ZNF675: variants seen among roughly 807,000 people sequenced by gnomAD.
The protein encoded by ZNF675 is zinc finger protein 675.
A neutral mutation model predicts 56.1 loss-of-function variants in ZNF675; 36 were observed. That is an observed-to-expected ratio of 0.64 (90% CI 0.49 to 0.85). The LOEUF (loss-of-function observed/expected upper bound fraction) is 0.85, where lower values mean the gene tolerates loss of function less well. ZNF675 is among the 40% of genes least tolerant of loss of function. ZNF675 has a pLI of 0.00. For synonymous variants in ZNF675, 200 were observed against 218.9 expected, an observed-to-expected ratio of 0.91 and a Z score of 0.76; for missense variants, 663 against 654.2, an observed-to-expected ratio of 1.01 and a Z score of -0.15.
At chr19:23,664,169 G>A (rs1273619168) in intron 1 of ZNF675, among the ~76,000 whole-genome samples, 1 of 152,108 alleles carries the variant, frequency 6.6e-6, no homozygotes, top group Non-Finnish European at 1.5e-5. Context: ...AGGCAGAGCG[G>A]ACACAGCTCT....
In ZNF675 at chr19:23,679,153, C is replaced by T. The variant is rs564237214; in HGVS notation, c.3+7878G>A. Among the ~76,000 whole-genome samples, 80 of 101,366 alleles carry T rather than the reference C, an allele frequency of 7.9e-4. 1 individual carries two copies. Among genetic ancestry groups the T allele is most frequent in the Non-Finnish European group, 1.2e-3 (67 of 56,862 alleles). The allele number at this position is 101,366 out of a possible 152,430, so 66.5% of individuals were successfully genotyped here. On this transcript the variant is annotated intron_variant, in intron 1 of 3. Coordinates refer to ENST00000359788, the MANE Select transcript of ZNF675 (RefSeq NM_138330.3). Reference sequence around the variant, plus strand: ...CTGCACTCCAGCCTGGGCGACAGAGCGAGACTCCGTCTCAAAAAAAAAAAA... The same window carrying T: ...CTGCACTCCAGCCTGGGCGACAGAGTGAGACTCCGTCTCAAAAAAAAAAAA...
intron 1 of ZNF675, among the ~76,000 whole-genome samples, chr19:23,672,700 T>C (rs1968242325): frequency 6.6e-6 from 1 of 152,248 alleles, no homozygotes; most frequent in Non-Finnish European, 1.5e-5. Context: ...TAGCTCATTC[T>C]AAATGATATT....
At position 23,687,108 on chromosome 19, in the gene ZNF675, C is replaced by T. The variant is rs988908333; in HGVS notation, c.-75G>A. The T allele has an allele frequency of 1.3e-6, 2 of 1,569,220 alleles. No individual in the cohort carries two copies. Among genetic ancestry groups the T allele is most frequent in the East Asian group, 4.5e-5 (2 of 44,572 alleles). ...TCTGCAGGTCACAGGCCCACAGAGG[C>T]TGGACCTCTAGGAGCAGAGGACACA... On this transcript the variant is annotated 5_prime_UTR_variant, in exon 1 of 4. Transcript: ENST00000359788.
At chr19:23,672,483 T>C (rs1968239645) in intron 1 of ZNF675, among the ~76,000 whole-genome samples, 1 of 152,186 alleles carries the variant, frequency 6.6e-6, no homozygotes, top group African/African-American at 2.4e-5. Context: ...TTTTAATATT[T>C]CCATGTTGAC....
intron 1 of ZNF675, 120 bp downstream of exon 1, chr19:23,686,911 G>T: frequency 1.6e-6 from 2 of 1,256,000 alleles, no homozygotes; most frequent in Non-Finnish European, 2.3e-6. Flanking sequence ...TGGGGAAGGA[G>T]AACTCGGGGT....
At chr19:23,681,378 G>A (rs1468728837) in intron 1 of ZNF675, among the ~76,000 whole-genome samples, 2 of 151,572 alleles carry the variant, frequency 1.3e-5, no homozygotes, top group Non-Finnish European at 2.9e-5. Flanking sequence ...GTAGCTGTGG[G>A]AAAGTGGGGT....
chr19:23,685,298 G>C (rs1243132006), intron 1 of ZNF675, among the ~76,000 whole-genome samples: 1 of 152,102 alleles, frequency 6.6e-6, no homozygotes, highest in Admixed American at 6.6e-5. Context: ...GCAGGGGAGA[G>C]TCCTATCAGT....
intron 1 of ZNF675, among the ~76,000 whole-genome samples, chr19:23,666,324 A>G (rs1389959460): frequency 6.6e-6 from 1 of 152,200 alleles, no homozygotes; most frequent in African/African-American, 2.4e-5. Flanking sequence ...TTTGCAATCA[A>G]TTGGATATTT....
intron 1 of ZNF675, among the ~76,000 whole-genome samples, chr19:23,671,141 T>C (rs1258709233): frequency 6.6e-6 from 1 of 152,170 alleles, no homozygotes; most frequent in Non-Finnish European, 1.5e-5. Context: ...TAAAAAAATA[T>C]ACTAATCTAG....
At chr19:23,680,634 A>G (rs905914154) in intron 1 of ZNF675, among the ~76,000 whole-genome samples, 6 of 151,248 alleles carry the variant, frequency 4.0e-5, no homozygotes, top group Non-Finnish European at 7.4e-5. Context: ...GGCGCCTGTA[A>G]CCCTAGCTAC....
At chr19:23,667,777 C>T (rs1439656264) in intron 1 of ZNF675, among the ~76,000 whole-genome samples, 2 of 150,946 alleles carry the variant, frequency 1.3e-5, no homozygotes, top group Non-Finnish European at 2.9e-5. Flanking sequence ...GTTTACAATC[C>T]CTGAGCTAGA....
chr19:23,663,741 T>C (rs1371207594), intron 1 of ZNF675, among the ~76,000 whole-genome samples: 2 of 152,134 alleles, frequency 1.3e-5, no homozygotes, highest in Non-Finnish European at 2.9e-5. Context: ...ATTAAGGGCA[T>C]AAACACAAAC....
chr19:23,675,062 C>T (rs750656562), intron 1 of ZNF675, among the ~76,000 whole-genome samples: 16 of 151,614 alleles, frequency 1.1e-4, no homozygotes, highest in African/African-American at 2.7e-4. Context: ...TTGAACTCTT[C>T]GACATCTTAA....
chr19:23,653,520 C>A lies in ZNF675; in HGVS notation c.1413G>T (p.Lys471Asn). 6.2e-7 allele frequency: 1 copy of A among 1,612,916 alleles called. No individual in the cohort carries two copies. The highest frequency in any genetic ancestry group is 8.5e-7 in the Non-Finnish European group (1 of 1,179,810). The change falls in exon 4 of 4, where the codon AAG becomes AAT. Residue 471 changes from lysine to asparagine, a missense_variant. This residue lies in a region of ZNF675 where 617 missense variants were observed against 590.5 expected (regional missense o/e 1.04). Transcript: ENST00000359788. ...AGGGTATCTCTCCAGAATGAATTTT[C>A]TTATGTTCAGTAAGTTTTGAGGATT... The part of the protein sequence containing the change: ...FIQSSKLTEH[K>N]KIHSGEIPYK...
At chr19:23,678,120 G>A (rs1185060995) in intron 1 of ZNF675, among the ~76,000 whole-genome samples, 4 of 151,448 alleles carry the variant, frequency 2.6e-5, no homozygotes, top group African/African-American at 9.8e-5. Flanking sequence ...AAACTGTCTT[G>A]GGGGGAAAAA....
intron 1 of ZNF675, among the ~76,000 whole-genome samples, chr19:23,674,943 G>A (rs1043336623): frequency 1.3e-5 from 2 of 148,244 alleles, no homozygotes; most frequent in African/African-American, 5.1e-5. Flanking sequence ...GTGCACTCCA[G>A]CCTGGGTGAC....
chr19:23,675,150 GA>G (rs1484391869), intron 1 of ZNF675, among the ~76,000 whole-genome samples: 1 of 151,606 alleles, frequency 6.6e-6, no homozygotes, highest in African/African-American at 2.4e-5. Context: ...TGTTTATGGG[GA>G]AAAAAGCAGA....
chr19:23,669,181 G>A (rs1968196442), intron 1 of ZNF675, among the ~76,000 whole-genome samples: 1 of 152,214 alleles, frequency 6.6e-6, no homozygotes, highest in Admixed American at 6.5e-5. Flanking sequence ...GAGCCACTCT[G>A]ATGTTCTCTG....
At chr19:23,686,203 G>A (rs948496979) in intron 1 of ZNF675, 7 of 152,126 alleles carry the variant, frequency 4.6e-5, no homozygotes, top group African/African-American at 7.2e-5. Context: ...CCTTCAAGCT[G>A]CTCTCATAAA....
Sources: gnomAD v4.1 joint callset for allele counts (sites outside exome capture counted in the v4.1 genomes callset) on GRCh38, gnomAD v4.1.1 for gene constraint, gnomAD v4.1.1 regional missense constraint, MANE v1.5 for transcripts, NCBI Gene and HGNC (gene_info 2026-07-23, HGNC 2026-07-21) for gene names.